WNK3: variants seen among roughly 807,000 people sequenced by gnomAD.
The protein encoded by WNK3 is WNK lysine deficient protein kinase 3, also known as serine/threonine-protein kinase WNK3.
In WNK3, 18 loss-of-function variants were observed where a neutral mutation model predicts 116.7. The ratio of observed to expected loss-of-function variants is 0.15; its 90% CI spans 0.11 to 0.23. WNK3 has a LOEUF of 0.23. Among genes scored for constraint, WNK3 ranks in the 10% least tolerant of loss-of-function variants. The probability of loss-of-function intolerance (pLI) is 1.00; values close to 1 mark genes in which losing one functional copy is unlikely to be tolerated. For missense variants in WNK3, 993 were observed against 1,323.8 expected (o/e 0.75, Z 3.88); for synonymous variants, 404 against 469.4 (o/e 0.86, Z 1.80).
intron 1 of WNK3, among the ~76,000 whole-genome samples, chrX:54,346,325 G>GGA (rs1355367747): frequency 1.4e-4 from 15 of 104,962 alleles, no homozygotes; most frequent in Non-Finnish European, 2.7e-4. Context: ...CGGTCGGCCG[G>GGA]GAGTGGTGGC....
rs916762964 is a variant in WNK3 at position 54,339,575 on chromosome X, C to T, written c.-119-5783G>A. ...TCAATAGAACTGAGAGTCTAAAAGC[C>T]GTAACATTTATGGTCAATTGATTTT... On this transcript the variant is annotated intron_variant, in intron 1 of 23. Transcript: ENST00000354646. Among the ~76,000 whole-genome samples, 64 of 111,272 alleles carry T rather than the reference C, an allele frequency of 5.8e-4. 1 individual carries two copies. The highest frequency in any genetic ancestry group is 1.1e-3 in the Non-Finnish European group (59 of 53,180).
At chrX:54,257,652 T>C (rs2068207860) in intron 11 of WNK3, among the ~76,000 whole-genome samples, 1 of 106,576 alleles carries the variant, frequency 9.4e-6, no homozygotes. Flanking sequence ...TAGCTAGGCA[T>C]GGTGCCATGT....
rs1569535333 is a variant in WNK3 at position 54,213,566 on chromosome X, AAAC to A, written c.4871-11376_4871-11374del. On this transcript the variant is annotated intron_variant, in intron 22 of 23. Coordinates refer to ENST00000354646, the Ensembl canonical transcript of WNK3. ...GAGACTCCGTCTCAAAAAAAAAAAC[AAAC>A]AAAAAAAAAAAAACTAGGGGAAAAA... 8.5e-3 allele frequency among the ~76,000 whole-genome samples: 629 copies of A among 74,194 alleles called. 125 individuals carry two copies. Among genetic ancestry groups the A allele is most frequent in the African/African-American group, 0.038 (598 of 15,910 alleles). 64.4% of individuals were successfully genotyped at this position (74,194 alleles called of 115,157 possible).
At chrX:54,230,792 AACAAACTGTGGT>A (rs2067891969) in intron 21 of WNK3, among the ~76,000 whole-genome samples, 1 of 112,476 alleles carries the variant, frequency 8.9e-6, no homozygotes, top group South Asian at 3.6e-4. Context: ...TGAATGGATA[AACAAACTGTGGT>A]ACATCCATTA....
chrX:54,313,676 T>C (rs1484227764), intron 2 of WNK3, among the ~76,000 whole-genome samples: 12 of 111,101 alleles, frequency 1.1e-4, no homozygotes, highest in Non-Finnish European at 2.3e-4. Flanking sequence ...ACTCACTTTT[T>C]GTGCACTAGA....
chrX:54,239,774 G>A (rs2068003343), intron 17 of WNK3, among the ~76,000 whole-genome samples: 1 of 111,106 alleles, frequency 9.0e-6, no homozygotes, highest in South Asian at 3.8e-4. Flanking sequence ...CCCGCAAAAG[G>A]GCCCCAGATA....
At chrX:54,219,036 TAGAAG>T (rs2146782688) in intron 22 of WNK3, among the ~76,000 whole-genome samples, 1 of 111,500 alleles carries the variant, frequency 9.0e-6, no homozygotes, top group Non-Finnish European at 1.9e-5. Context: ...GTTCCAAAAA[TAGAAG>T]AGAAAAGGGC....
At chrX:54,202,654 G>GTGAT (rs1557141915) in intron 22 of WNK3, among the ~76,000 whole-genome samples, 3 of 106,506 alleles carry the variant, frequency 2.8e-5, no homozygotes, top group Non-Finnish European at 5.8e-5. Context: ...TCACACCATT[G>GTGAT]CACTCCAGCC....
At chrX:54,218,010 A>C (rs2067717966) in intron 22 of WNK3, among the ~76,000 whole-genome samples, 1 of 111,840 alleles carries the variant, frequency 8.9e-6, no homozygotes, top group Non-Finnish European at 1.9e-5. Context: ...GGACCCAACA[A>C]AAACATCCTG....
intron 1 of WNK3, among the ~76,000 whole-genome samples, chrX:54,336,878 A>T (rs1372796704): frequency 9.0e-6 from 1 of 111,570 alleles, no homozygotes; most frequent in Non-Finnish European, 1.9e-5. Context: ...TGCCAACCAG[A>T]TGACATTACT....
chrX:54,222,651 C>T (rs1188033070), intron 22 of WNK3, among the ~76,000 whole-genome samples: 1 of 107,779 alleles, frequency 9.3e-6, no homozygotes, highest in African/African-American at 3.4e-5. Context: ...CTGAGGTGGG[C>T]AGATCACCTG....
chrX:54,241,605 T>C (rs1333487079), intron 17 of WNK3, among the ~76,000 whole-genome samples: 2 of 111,311 alleles, frequency 1.8e-5, no homozygotes, highest in Non-Finnish European at 3.8e-5. Flanking sequence ...CGCTTAAAAA[T>C]TGAGAAATTA....
At chrX:54,201,909 G>T in intron 23 of WNK3, 82 bp downstream of exon 23, 1 of 810,806 alleles carries the variant, frequency 1.2e-6, no homozygotes. Flanking sequence ...CTCTCATAGT[G>T]ACTGTAACTA....
intron 2 of WNK3, among the ~76,000 whole-genome samples, chrX:54,324,954 A>C (rs1211153201): frequency 8.9e-6 from 1 of 112,372 alleles, no homozygotes; most frequent in African/African-American, 3.2e-5. Context: ...CTCAAAATAT[A>C]GTTTTCCCCA....
chrX:54,267,119 A>T (rs1016412910), intron 10 of WNK3, among the ~76,000 whole-genome samples: 15 of 112,163 alleles, frequency 1.3e-4, no homozygotes, highest in Non-Finnish European at 2.8e-4. Context: ...TGTTTACTGC[A>T]GCACTATTTA....
chrX:54,221,200 T>C (rs782050336), intron 22 of WNK3, among the ~76,000 whole-genome samples: 14 of 112,199 alleles, frequency 1.2e-4, no homozygotes, highest in Middle Eastern at 9.1e-3. Flanking sequence ...ACAAGAAATA[T>C]TAAAGTGAGT....
chrX:54,231,889 G>A (rs1193737881), intron 21 of WNK3, among the ~76,000 whole-genome samples: 2 of 110,475 alleles, frequency 1.8e-5, no homozygotes, highest in Non-Finnish European at 3.8e-5. Context: ...TATAACCAAA[G>A]AGGCCTGACC....
At chrX:54,221,812 C>A (rs1452903066) in intron 22 of WNK3, among the ~76,000 whole-genome samples, 1 of 110,058 alleles carries the variant, frequency 9.1e-6, no homozygotes, top group Non-Finnish European at 1.9e-5. Context: ...CCAGCCTGGG[C>A]AACAGAGCAA....
intron 10 of WNK3, among the ~76,000 whole-genome samples, chrX:54,286,468 A>T (rs1181875442): frequency 1.8e-5 from 2 of 111,691 alleles, no homozygotes; most frequent in Admixed American, 9.7e-5. Flanking sequence ...TTATCACTAG[A>T]AAATAACTCA....
Sources: allele counts gnomAD v4.1 joint callset (sites outside exome capture counted in the v4.1 genomes callset), GRCh38; gene constraint gnomAD v4.1.1; transcripts MANE v1.5; gene names NCBI Gene and HGNC (gene_info 2026-07-23, HGNC 2026-07-21).